The following CENPP variants were observed in gnomAD, a reference collection of about 807,000 sequenced individuals.
CENPP encodes the protein centromere protein P.
CENPP carries 24 observed loss-of-function variants against 35.6 expected under a neutral mutation model. That is an observed-to-expected ratio of 0.67 (90% CI 0.49 to 0.95). The LOEUF is 0.95. Ranked by LOEUF, CENPP falls within the 40% of genes least tolerant of loss-of-function variation. The probability of loss-of-function intolerance (pLI) is 0.00; values close to 1 mark genes in which losing one functional copy is unlikely to be tolerated. For synonymous variants in CENPP, 120 were observed against 125.5 expected, an observed-to-expected ratio of 0.96 and a Z score of 0.29; for missense variants, 332 against 345.3, an observed-to-expected ratio of 0.96 and a Z score of 0.31.
In CENPP at chr9:92,618,874, C is replaced by G. The variant is rs1193853539; in HGVS notation, c.*5725C>G. ...AAGAATGTGGAACATTCCGCAAATA[C>G]TGGGTGCAGGGTTTAGCACCCCTGA... On this transcript the variant is annotated 3_prime_UTR_variant, in exon 8 of 8. Coordinates refer to ENST00000375587, the MANE Select transcript of CENPP (RefSeq NM_001012267.3). 1 of 344,536 alleles carries G rather than the reference C, an allele frequency of 2.9e-6. No homozygotes were observed. Among genetic ancestry groups the G allele is most frequent in the African/African-American group, 2.1e-5 (1 of 46,600 alleles). The allele number at this position is 344,536 out of a possible 1,614,324, so 21.3% of individuals were successfully genotyped here. A position where few individuals can be genotyped will look rare whatever the true frequency, so the allele number is the denominator to read the frequency against.
At chr9:92,328,344 G>A (rs963849802) in intron 1 of CENPP, among the ~76,000 whole-genome samples, 2 of 152,116 alleles carry the variant, frequency 1.3e-5, no homozygotes, top group Admixed American at 1.3e-4. Context: ...TGGATGGATT[G>A]GAGGTAGGAA....
intron 4 of CENPP, among the ~76,000 whole-genome samples, chr9:92,362,547 A>G (rs1043164527): frequency 2.0e-5 from 3 of 152,170 alleles, no homozygotes; most frequent in African/African-American, 7.2e-5. Context: ...CTCATAGGTG[A>G]TATTAAGTTT....
rs2274413 is a variant in CENPP, at chr9:92,616,071, G to A, written c.*2922G>A. ...CTTTGATCAGAGCTGCAAGTAAAAA[G>A]TACCATTTCAGGATACACAAGCCCC... On this transcript the variant is annotated 3_prime_UTR_variant, in exon 8 of 8. Transcript: ENST00000375587. The A allele has an allele frequency of 0.3, 480,391 of 1,594,284 alleles. 78,693 individuals are homozygous for A. The highest frequency in any genetic ancestry group is 0.63 in the East Asian group (28,144 of 44,602).
In CENPP at chr9:92,613,168, G is replaced by T; in HGVS notation, c.*19G>T. 1 of 1,613,980 alleles carries T rather than the reference G, an allele frequency of 6.2e-7. No individual in the cohort carries two copies. The highest frequency in any genetic ancestry group is 8.5e-7 in the Non-Finnish European group (1 of 1,179,900). ...CAACTAGTTCCAAAACAGTGAACGT[G>T]GAGGATGAAGATGCTGCGTGGAGGA... On this transcript the variant is annotated 3_prime_UTR_variant, in exon 8 of 8. Transcript: ENST00000375587.
At chr9:92,568,758 C>T (rs1476375604) in intron 5 of CENPP, among the ~76,000 whole-genome samples, 1 of 152,190 alleles carries the variant, frequency 6.6e-6, no homozygotes, top group Admixed American at 6.5e-5. Flanking sequence ...TGTTTCCTGA[C>T]TTTTTAATGA....
intron 1 of CENPP, among the ~76,000 whole-genome samples, chr9:92,328,022 T>A (rs928348309): frequency 1.3e-5 from 2 of 152,214 alleles, no homozygotes; most frequent in African/African-American, 4.8e-5. Flanking sequence ...GAGGTGTGTC[T>A]GACCTCCCAT....
At chr9:92,447,158 G>C (rs944242932) in intron 5 of CENPP, among the ~76,000 whole-genome samples, 1 of 152,218 alleles carries the variant, frequency 6.6e-6, no homozygotes, top group South Asian at 2.1e-4. Context: ...CCACGGACAG[G>C]CATGAGGGAG....
At chr9:92,382,682 A>G (rs1842281954) in intron 5 of CENPP, among the ~76,000 whole-genome samples, 1 of 152,120 alleles carries the variant, frequency 6.6e-6, no homozygotes, top group Non-Finnish European at 1.5e-5. Context: ...TTTAAATATT[A>G]CATAAGGTAG....
intron 2 of CENPP, among the ~76,000 whole-genome samples, chr9:92,335,301 A>T (rs1335115180): frequency 6.6e-6 from 1 of 152,252 alleles, no homozygotes; most frequent in Non-Finnish European, 1.5e-5. Flanking sequence ...AAGCCTGGAC[A>T]TAAAGAAAAA....
intron 5 of CENPP, among the ~76,000 whole-genome samples, chr9:92,398,787 T>A (rs1257495159): frequency 1.3e-5 from 2 of 152,166 alleles, no homozygotes; most frequent in Non-Finnish European, 2.9e-5. Flanking sequence ...TTTCTCAAAG[T>A]TGGCCGGGAG....
intron 4 of CENPP, among the ~76,000 whole-genome samples, chr9:92,360,261 T>C (rs1012271540): frequency 1.3e-5 from 2 of 152,246 alleles, no homozygotes; most frequent in Non-Finnish European, 2.9e-5. Context: ...ACTGCAGTTA[T>C]AGTCTTGTGG....
At chr9:92,514,740 G>A in intron 5 of CENPP, 2 of 1,614,158 alleles carry the variant, frequency 1.2e-6, no homozygotes, top group Non-Finnish European at 8.5e-7. Flanking sequence ...CGCTTGGCAG[G>A]CGCAGTGTGC....
At chr9:92,500,859 CG>C (rs776211051) in intron 5 of CENPP, 6 of 1,614,010 alleles carry the variant, frequency 3.7e-6, no homozygotes, top group Non-Finnish European at 4.2e-6. Flanking sequence ...GAAGGAGACA[CG>C]GTCCATGCCA....
chr9:92,446,938 T>C (rs1312820044), intron 5 of CENPP, among the ~76,000 whole-genome samples: 1 of 151,544 alleles, frequency 6.6e-6, no homozygotes, highest in East Asian at 1.9e-4. Context: ...CAACTATGTA[T>C]TCATCTCAGC....
intron 5 of CENPP, among the ~76,000 whole-genome samples, chr9:92,398,128 T>A (rs902964731): frequency 4.6e-5 from 7 of 152,322 alleles, no homozygotes; most frequent in African/African-American, 1.7e-4. Context: ...ACAAACCTAC[T>A]CACTGGAACT....
chr9:92,354,230 A>C (rs1841534165), intron 4 of CENPP, among the ~76,000 whole-genome samples: 1 of 152,222 alleles, frequency 6.6e-6, no homozygotes, highest in South Asian at 2.1e-4. Context: ...CAGTGAGGAC[A>C]AACCTCTGCC....
At chr9:92,340,786 A>C (rs1841090191) in intron 3 of CENPP, among the ~76,000 whole-genome samples, 1 of 152,056 alleles carries the variant, frequency 6.6e-6, no homozygotes, top group Admixed American at 6.6e-5. Flanking sequence ...TCACCTCAGG[A>C]CCCTGTAATA....
intron 5 of CENPP, among the ~76,000 whole-genome samples, chr9:92,426,380 A>G (rs893529229): frequency 6.6e-6 from 1 of 152,208 alleles, no homozygotes; most frequent in Non-Finnish European, 1.5e-5. Context: ...CTTAATTAAC[A>G]TAATAAGCAT....
chr9:92,376,073 C>T (rs926728160), intron 4 of CENPP, among the ~76,000 whole-genome samples: 1 of 152,172 alleles, frequency 6.6e-6, no homozygotes, highest in Non-Finnish European at 1.5e-5. Flanking sequence ...CTGCCTTAGT[C>T]CTGTCCTTAG....
Sources: allele counts gnomAD v4.1 joint callset (sites outside exome capture counted in the v4.1 genomes callset), GRCh38; gene constraint gnomAD v4.1.1; transcripts MANE v1.5; gene names NCBI Gene and HGNC (gene_info 2026-07-23, HGNC 2026-07-21).